The following MMS22L variants were observed in gnomAD, a reference collection of about 807,000 sequenced individuals.
MMS22L encodes the protein protein MMS22-like.
Under a neutral mutation model 159.1 loss-of-function variants are expected in MMS22L, and 74 were observed. The ratio of observed to expected loss-of-function variants is 0.47; its 90% CI spans 0.39 to 0.56. The LOEUF (loss-of-function observed/expected upper bound fraction) is 0.56, where lower values mean the gene tolerates loss of function less well. MMS22L is among the 20% of genes least tolerant of loss of function. The pLI is 0.00. For synonymous variants in MMS22L, 517 were observed against 506.9 expected (o/e 1.02, Z -0.27); for missense variants, 1,351 against 1,422.1 (o/e 0.95, Z 0.80).
intron 24 of MMS22L, among the ~76,000 whole-genome samples, chr6:97,148,864 C>G (rs1266228386): frequency 2.0e-5 from 3 of 152,118 alleles, no homozygotes; most frequent in African/African-American, 7.2e-5. Context: ...CTCGCCGACC[C>G]ACCCAGAGCA....
intron 19 of MMS22L, among the ~76,000 whole-genome samples, chr6:97,169,318 AT>A (rs1381276258): frequency 6.6e-6 from 1 of 152,122 alleles, no homozygotes; most frequent in African/African-American, 2.4e-5. Context: ...TATAATTCCC[AT>A]TAGGATATAT....
At chr6:97,159,148 T>C (rs1297866847) in intron 22 of MMS22L, among the ~76,000 whole-genome samples, 1 of 151,206 alleles carries the variant, frequency 6.6e-6, no homozygotes, top group Non-Finnish European at 1.5e-5. Flanking sequence ...TTTTTTTGCT[T>C]TCCATTTGCT....
At chr6:97,193,071 T>C (rs1806061766) in intron 14 of MMS22L, among the ~76,000 whole-genome samples, 1 of 152,226 alleles carries the variant, frequency 6.6e-6, no homozygotes. Flanking sequence ...CTCATTCATA[T>C]GTAAGTTCTT....
chr6:97,167,173 A>G (rs1803038509), intron 20 of MMS22L, among the ~76,000 whole-genome samples: 1 of 152,090 alleles, frequency 6.6e-6, no homozygotes, highest in South Asian at 2.1e-4. Flanking sequence ...TGCCTACCTC[A>G]AACTAAAGCT....
At position 97,173,165 on chromosome 6, in the gene MMS22L, T is replaced by C; in HGVS notation, c.2737A>G (p.Thr913Ala). 1 of 1,613,738 alleles carries C rather than the reference T, an allele frequency of 6.2e-7. No individual in the cohort carries two copies. Among genetic ancestry groups the C allele is most frequent in the Non-Finnish European group, 8.5e-7 (1 of 1,179,762 alleles). ...TCACCAAGGTATTCCAAGGACTTTGTGACCATGGCAGATTTATCAGAAAGT... is the reference window on the plus strand; with the variant it reads ...TCACCAAGGTATTCCAAGGACTTTGCGACCATGGCAGATTTATCAGAAAGT... Reference protein sequence around the residue: ...QTLSDKSAMVTKSLEYLGEVL... With the variant: ...QTLSDKSAMVAKSLEYLGEVL... Residue 913 changes from threonine to alanine, a missense_variant, in exon 19 of 25, where the codon ACA becomes GCA. Transcript: ENST00000683635.
At chr6:97,218,347 T>C (rs187231866) in intron 14 of MMS22L, among the ~76,000 whole-genome samples, 3 of 152,280 alleles carry the variant, frequency 2.0e-5, no homozygotes, top group Admixed American at 1.3e-4. Context: ...GCAAGAATTG[T>C]TGGATAAGCA....
At chr6:97,225,572 G>GTTTTTTTTT (rs202185434) in intron 14 of MMS22L, among the ~76,000 whole-genome samples, 1 of 142,060 alleles carries the variant, frequency 7.0e-6, no homozygotes, top group African/African-American at 2.6e-5. Flanking sequence ...TGGTCTCGAA[G>GTTTTTTTTT]TTTTTTTTTT....
chr6:97,150,934 G>GC (rs1801258148), intron 23 of MMS22L, among the ~76,000 whole-genome samples: 1 of 152,096 alleles, frequency 6.6e-6, no homozygotes, highest in Non-Finnish European at 1.5e-5. Context: ...AAGAAAATAT[G>GC]CCTCAAGTTG....
At chr6:97,248,438 G>C (rs1445929271) in intron 10 of MMS22L, among the ~76,000 whole-genome samples, 1 of 152,200 alleles carries the variant, frequency 6.6e-6, no homozygotes, top group East Asian at 1.9e-4. Flanking sequence ...TTGTGACACA[G>C]CAATAGATTA....
chr6:97,276,035 A>G (rs1001255263), intron 4 of MMS22L, among the ~76,000 whole-genome samples: 1 of 152,148 alleles, frequency 6.6e-6, no homozygotes, highest in African/African-American at 2.4e-5. Flanking sequence ...AAAGAGAGAA[A>G]AAAAACAGCT....
intron 14 of MMS22L, among the ~76,000 whole-genome samples, chr6:97,193,574 G>GT (rs1183152842): frequency 6.6e-6 from 1 of 151,994 alleles, no homozygotes; most frequent in African/African-American, 2.4e-5. Context: ...TGTTATTATT[G>GT]TAAGTAGTTC....
intron 18 of MMS22L, among the ~76,000 whole-genome samples, chr6:97,174,624 G>A (rs1206129): frequency 0.52 from 79,822 of 152,062 alleles, 21,934 homozygotes; most frequent in African/African-American, 0.69. Context: ...GAAGATTACA[G>A]TGTGGTCACT....
rs1195705371 is a variant in MMS22L at position 97,229,052 on chromosome 6, G to A, written c.1881C>T (p.Tyr627=). Residue 627 remains tyrosine, a synonymous_variant, in exon 14 of 25, where the codon TAC becomes TAT. Coordinates refer to ENST00000683635, the MANE Select transcript of MMS22L (RefSeq NM_001350599.2). ...CAAACACTTCTTGAACACCATCAAT[G>A]TATATGGAAAGAAGGGTCCAGATAG... The part of the protein sequence containing the change: ...RQTIWTLLSI[Y]IDGVQEVFET... 6.2e-7 allele frequency: 1 copy of A among 1,614,118 alleles called. No individual in the cohort carries two copies. Among genetic ancestry groups the A allele is most frequent in the South Asian group, 1.1e-5 (1 of 91,080 alleles).
At chr6:97,214,026 T>A (rs1582642220) in intron 14 of MMS22L, among the ~76,000 whole-genome samples, 1 of 152,318 alleles carries the variant, frequency 6.6e-6, no homozygotes, top group African/African-American at 2.4e-5. Context: ...TGTAATTGGA[T>A]CTTGAACATA....
At chr6:97,175,548 T>C (rs1804029531) in intron 18 of MMS22L, among the ~76,000 whole-genome samples, 1 of 152,198 alleles carries the variant, frequency 6.6e-6, no homozygotes, top group Non-Finnish European at 1.5e-5. Flanking sequence ...TCCTGTATTT[T>C]GAGTGAATCT....
chr6:97,246,717 A>G (rs1291076319), intron 10 of MMS22L, 27 bp from the exon 11 acceptor site: 1 of 1,425,016 alleles, frequency 7.0e-7, no homozygotes, highest in Non-Finnish European at 9.8e-7. Context: ...TAGTGCATCA[A>G]AATTATTGCT....
At chr6:97,178,631 C>T in intron 17 of MMS22L, 46 bp from the exon 18 acceptor site, 1 of 1,010,848 alleles carries the variant, frequency 9.9e-7, no homozygotes, top group South Asian at 1.9e-5. Context: ...ATATAACATA[C>T]TATATACATA....
intron 7 of MMS22L, 50 bp downstream of exon 7, chr6:97,269,852 A>C: frequency 7.4e-7 from 1 of 1,347,638 alleles, no homozygotes; most frequent in Non-Finnish European, 1.0e-6. Flanking sequence ...TTTAAAAAGC[A>C]ATAAAAGCTG....
At chr6:97,196,183 T>C (rs968105947) in intron 14 of MMS22L, among the ~76,000 whole-genome samples, 2 of 152,164 alleles carry the variant, frequency 1.3e-5, no homozygotes, top group Non-Finnish European at 2.9e-5. Context: ...TTATCAAATA[T>C]AGTCCTTCCT....
Sources: allele counts gnomAD v4.1 joint callset (sites outside exome capture counted in the v4.1 genomes callset), GRCh38; gene constraint gnomAD v4.1.1; transcripts MANE v1.5; gene names NCBI Gene and HGNC (gene_info 2026-07-23, HGNC 2026-07-21).